Variants in NALF1 observed in about 807,000 individuals in gnomAD.
NALF1 encodes the protein NALCN channel auxiliary factor 1, also known as family with sequence similarity 155 member A.
Under a neutral mutation model 48.4 loss-of-function variants are expected in NALF1, and 3 were observed. The ratio of observed to expected loss-of-function variants is 0.06; its 90% CI spans 0.03 to 0.16. The LOEUF (loss-of-function observed/expected upper bound fraction) is 0.16, where lower values mean the gene tolerates loss of function less well. Ranked by LOEUF, NALF1 falls within the 10% of genes least tolerant of loss-of-function variation. The pLI is 1.00. For missense variants in NALF1, 526 were observed against 571.5 expected, an observed-to-expected ratio of 0.92 and a Z score of 0.81; for synonymous variants, 262 against 245.7, an observed-to-expected ratio of 1.07 and a Z score of -0.62.
At chr13:107,667,103 C>A (rs1539131) in intron 1 of NALF1, among the ~76,000 whole-genome samples, 82,214 of 151,890 alleles carry the variant, frequency 0.54, 23,401 homozygotes, top group Middle Eastern at 0.72. Context: ...ATAGTTTCAT[C>A]TTGATCCCAA....
At chr13:107,197,867 C>T (rs1018867581) in intron 2 of NALF1, among the ~76,000 whole-genome samples, 5 of 151,960 alleles carry the variant, frequency 3.3e-5, no homozygotes, top group East Asian at 1.9e-4. Flanking sequence ...GAAATAATGA[C>T]GGAAATGAAG....
At chr13:107,252,991 C>A (rs918736059) in intron 1 of NALF1, among the ~76,000 whole-genome samples, 4 of 152,062 alleles carry the variant, frequency 2.6e-5, no homozygotes, top group Non-Finnish European at 5.9e-5. Context: ...TAGATTACCC[C>A]AAAATAACAC....
intron 1 of NALF1, among the ~76,000 whole-genome samples, chr13:107,493,949 C>CA (rs1457684319): frequency 3.9e-5 from 6 of 152,052 alleles, no homozygotes; most frequent in Non-Finnish European, 7.4e-5. Flanking sequence ...CACATATATC[C>CA]ATTAGAGAAA....
intron 1 of NALF1, among the ~76,000 whole-genome samples, chr13:107,770,211 C>T (rs908141826): frequency 4.6e-5 from 7 of 152,168 alleles, no homozygotes; most frequent in Non-Finnish European, 8.8e-5. Context: ...CCGCGCCGGG[C>T]CCACTTTTGT....
intron 1 of NALF1, among the ~76,000 whole-genome samples, chr13:107,606,266 T>TCA (rs1158404475): frequency 2.0e-5 from 1 of 49,338 alleles, no homozygotes; most frequent in African/African-American, 8.3e-5. Flanking sequence ...CCTTAACATC[T>TCA]CATATATATA....
chr13:107,401,918 T>G (rs1883815871), intron 1 of NALF1, among the ~76,000 whole-genome samples: 1 of 152,208 alleles, frequency 6.6e-6, no homozygotes, highest in Non-Finnish European at 1.5e-5. Context: ...AGCATCATGC[T>G]GAACAGTCAT....
chr13:107,759,750 C>G (rs1877213199), intron 1 of NALF1, among the ~76,000 whole-genome samples: 1 of 150,936 alleles, frequency 6.6e-6, no homozygotes, highest in Non-Finnish European at 1.5e-5. Context: ...TAGCTATCTT[C>G]AAATGGCATT....
intron 1 of NALF1, among the ~76,000 whole-genome samples, chr13:107,579,307 TC>T: frequency 6.6e-6 from 1 of 152,202 alleles, no homozygotes; most frequent in East Asian, 1.9e-4. Flanking sequence ...GCAAGACCGG[TC>T]TTGAACTCCT....
chr13:107,218,147 G>C (rs75642610), intron 1 of NALF1, among the ~76,000 whole-genome samples: 4,995 of 152,130 alleles, frequency 0.033, 126 homozygotes, highest in East Asian at 0.085. Context: ...TCTGCACCAG[G>C]CTCTTCCTTC....
At chr13:107,172,716 C>T (rs902544079) in intron 2 of NALF1, among the ~76,000 whole-genome samples, 1 of 152,084 alleles carries the variant, frequency 6.6e-6, no homozygotes, top group Non-Finnish European at 1.5e-5. Flanking sequence ...ATACTACATT[C>T]TACAACAAAA....
At chr13:107,253,268 T>C (rs1018662610) in intron 1 of NALF1, among the ~76,000 whole-genome samples, 2 of 152,156 alleles carry the variant, frequency 1.3e-5, no homozygotes, top group Non-Finnish European at 2.9e-5. Context: ...GTGATAACTT[T>C]GTTTTTGGAG....
intron 1 of NALF1, among the ~76,000 whole-genome samples, chr13:107,671,975 C>T (rs1881001295): frequency 6.7e-6 from 1 of 148,218 alleles, no homozygotes; most frequent in Non-Finnish European, 1.5e-5. Context: ...AATCCTACTT[C>T]TATTACAGGG....
intron 1 of NALF1, among the ~76,000 whole-genome samples, chr13:107,751,849 ATATAT>A (rs1023769066): frequency 4.6e-5 from 7 of 152,282 alleles, no homozygotes; most frequent in African/African-American, 1.4e-4. Flanking sequence ...GCACACACAC[ATATAT>A]TATAAGTATT....
chr13:107,465,801 T>C (rs770587336), intron 1 of NALF1, among the ~76,000 whole-genome samples: 5 of 152,224 alleles, frequency 3.3e-5, no homozygotes, highest in Non-Finnish European at 5.9e-5. Context: ...ATTTTGCATC[T>C]GGTGAAAGCC....
At position 107,332,485 on chromosome 13, in the gene NALF1, C is replaced by T. The variant is rs72650546; in HGVS notation, c.916-121730G>A. 3.8e-3 allele frequency among the ~76,000 whole-genome samples: 584 copies of T among 152,294 alleles called. 2 individuals carry two copies. The highest frequency in any genetic ancestry group is 6.8e-3 in the Middle Eastern group (2 of 294). On this transcript the variant is annotated intron_variant, in intron 1 of 2. Transcript: ENST00000375915. ...AGCCCTTTCCAGTACTGGAGGCGGC[C>T]CTGGGTCAGTGGAATACAGACCCAG...
chr13:107,260,772 G>A (rs561680308), intron 1 of NALF1, among the ~76,000 whole-genome samples: 9 of 152,328 alleles, frequency 5.9e-5, no homozygotes, highest in Admixed American at 2.0e-4. Flanking sequence ...GCTGACAGCA[G>A]TGTGTGGCTA....
chr13:107,665,864 G>A (rs1880845486), intron 1 of NALF1, among the ~76,000 whole-genome samples: 1 of 152,138 alleles, frequency 6.6e-6, no homozygotes, highest in Non-Finnish European at 1.5e-5. Context: ...ACCTTTGTAA[G>A]TGATGATGCC....
intron 1 of NALF1, among the ~76,000 whole-genome samples, chr13:107,309,372 T>C (rs1249050381): frequency 1.3e-5 from 2 of 152,262 alleles, no homozygotes; most frequent in Non-Finnish European, 2.9e-5. Flanking sequence ...ACTTGAATTA[T>C]GACCAAAACT....
intron 1 of NALF1, among the ~76,000 whole-genome samples, chr13:107,399,368 T>G (rs1433693995): frequency 6.6e-6 from 1 of 151,852 alleles, no homozygotes; most frequent in Non-Finnish European, 1.5e-5. Flanking sequence ...CATAATAGAG[T>G]AAAATGATCA....
Sources: allele counts gnomAD v4.1 joint callset (sites outside exome capture counted in the v4.1 genomes callset), GRCh38; gene constraint gnomAD v4.1.1; transcripts MANE v1.5; gene names NCBI Gene and HGNC (gene_info 2026-07-23, HGNC 2026-07-21).